The following EVC2 variants were observed in gnomAD, a reference collection of about 807,000 sequenced individuals.
EVC2 encodes limbin.
Under a neutral mutation model 149.3 loss-of-function variants are expected in EVC2, and 148 were observed. The observed-to-expected ratio is 0.99, with a 90% CI of 0.87 to 1.14. EVC2 has a LOEUF of 1.14. Ranked by LOEUF, EVC2 falls within the 50% of genes most tolerant of loss-of-function variation. EVC2 has a pLI of 0.00. For synonymous variants in EVC2, 776 were observed against 649.9 expected, an observed-to-expected ratio of 1.19 and a Z score of -2.95; for missense variants, 1,854 against 1,627.3, an observed-to-expected ratio of 1.14 and a Z score of -2.40.
intron 16 of EVC2, among the ~76,000 whole-genome samples, chr4:5,603,381 G>T (rs1714144797): frequency 1.3e-5 from 2 of 152,186 alleles, no homozygotes; most frequent in South Asian, 4.1e-4. Flanking sequence ...AATCTTTATG[G>T]ATGGATGGAT....
rs1577175562 is a variant in EVC2, at chr4:5,625,998, T to C, written c.1887-90A>G. Reference sequence around the variant, plus strand: ...TGTGCCTGAACATTCATCTCCATATTAGTTTGGTTTGAATCAGAAAATCTT... The same window carrying C: ...TGTGCCTGAACATTCATCTCCATATCAGTTTGGTTTGAATCAGAAAATCTT... On this transcript the variant is annotated intron_variant, in intron 12 of 21. Transcript: ENST00000344408. The surrounding 1 kb of genome is among the most constrained non-coding windows in gnomAD (Gnocchi z 4.0). 2.6e-6 allele frequency: 4 copies of C among 1,515,980 alleles called. No homozygotes were observed. The East Asian group carries it at 6.8e-5, about 26-fold the overall frequency. The allele number at this position is 1,515,980 out of a possible 1,614,324, so 93.9% of individuals were successfully genotyped here. A position where few individuals can be genotyped will look rare whatever the true frequency, so the allele number is the denominator to read the frequency against.
chr4:5,689,406 G>A, intron 4 of EVC2, 63 bp from the exon 5 acceptor site: 3 of 1,558,724 alleles, frequency 1.9e-6, no homozygotes, highest in Non-Finnish European at 8.8e-7. Flanking sequence ...CTAAAATGGG[G>A]CATGAGCCCA....
chr4:5,671,611 A>C (rs1719655067), intron 7 of EVC2, among the ~76,000 whole-genome samples: 1 of 152,206 alleles, frequency 6.6e-6, no homozygotes, highest in Non-Finnish European at 1.5e-5. Flanking sequence ...TCCTGGGTTC[A>C]AGCGATTCTC....
rs1560187386 is a variant in EVC2, at chr4:5,640,515, C to T, written c.1469G>A (p.Arg490Lys). The change falls in exon 10 of 22, where the codon AGG (arginine) becomes AAG (lysine). Residue 490 changes from arginine to lysine, a missense_variant and splice_region_variant. Physicochemically the swap from Arg to Lys is conservative, Grantham distance 26. Coordinates refer to ENST00000344408, the MANE Select transcript of EVC2 (RefSeq NM_147127.5). This position sits in a 1 kb window ranked among gnomAD's most constrained non-coding sequence, Gnocchi z 4.6. ...AEELLKRAGERSAVECSNLLR... is the reference protein window; with the variant it reads ...AEELLKRAGEKSAVECSNLLR... The stretch of plus-strand genomic sequence containing the variant: ...GCCTTCCTTTCAGACCTGTCTTACC[C>T]TCTCACCAGCACGTTTCAGCAACTC... The T allele has an allele frequency of 1.1e-5, 17 of 1,613,994 alleles. 1 individual carries two copies. The highest frequency in any genetic ancestry group is 1.7e-5 in the Admixed American group (1 of 60,000).
downstream of EVC2, among the ~76,000 whole-genome samples, chr4:5,539,352 A>G (rs941936005): frequency 4.0e-5 from 6 of 149,830 alleles, no homozygotes; most frequent in Admixed American, 2.7e-4. Flanking sequence ...TAAGATGTAA[A>G]TTCTCCCTAA....
chr4:5,628,968 T>C (rs1716333510), intron 11 of EVC2, among the ~76,000 whole-genome samples: 1 of 152,164 alleles, frequency 6.6e-6, no homozygotes, highest in African/African-American at 2.4e-5. Context: ...TAAAGAGTTA[T>C]CAGAACAACT....
At chr4:5,664,108 G>A (rs1185158339) in intron 8 of EVC2, among the ~76,000 whole-genome samples, 1 of 152,144 alleles carries the variant, frequency 6.6e-6, no homozygotes, top group Non-Finnish European at 1.5e-5. Context: ...ATTATTTTCA[G>A]TGCTTTCTTT....
At chr4:5,628,482 C>A (rs1211385963) in intron 12 of EVC2, 77 bp downstream of exon 12, 1 of 1,554,196 alleles carries the variant, frequency 6.4e-7, no homozygotes, top group African/African-American at 1.4e-5. Flanking sequence ...ATAAATTACC[C>A]AGTCTGTGGT....
chr4:5,679,131 T>C lies in EVC2; in HGVS notation c.870+2129A>G, dbSNP rs1720177263. Among the ~76,000 whole-genome samples, 1 of 152,076 alleles carries C rather than the reference T, an allele frequency of 6.6e-6. No individual in the cohort carries two copies. The highest frequency in any genetic ancestry group is 1.5e-5 in the Non-Finnish European group (1 of 68,024). On this transcript the variant is annotated intron_variant, in intron 7 of 21. Transcript: ENST00000344408. This position sits in a 1 kb window ranked among gnomAD's most constrained non-coding sequence, Gnocchi z 5.1. ...AACTCGAGCTTGCAGGTCTGGAAGTTGCTCTGGGCCAGTCAGTGAGTGAGT... is the reference window on the plus strand; with the variant it reads ...AACTCGAGCTTGCAGGTCTGGAAGTCGCTCTGGGCCAGTCAGTGAGTGAGT...
Position 5,574,653 on chromosome 4 carries a change from G to A in EVC2, c.3360+32C>T, listed in dbSNP as rs778275031. ...AAGATGAAGTGACGTGCTGGCAAGG[G>A]GTGGCCTCAGACCCTGCCAGTACCT... is the stretch of plus-strand genomic sequence containing the variant. On this transcript the variant is annotated intron_variant, in intron 19 of 21. Coordinates refer to ENST00000344408, the MANE Select transcript of EVC2 (RefSeq NM_147127.5). The A allele has an allele frequency of 1.9e-6, 3 of 1,592,474 alleles. No homozygotes were observed. The South Asian group carries it at 3.3e-5, about 18-fold the overall frequency.
intron 11 of EVC2, among the ~76,000 whole-genome samples, chr4:5,631,475 G>A (rs1247575456): frequency 1.3e-5 from 2 of 152,038 alleles, no homozygotes; most frequent in Non-Finnish European, 2.9e-5. Context: ...TCACACCCTC[G>A]TGGGTGTGGG....
rs71171411 is a variant in EVC2, at chr4:5,686,127, C to CACACACACACACACACACATAT, written c.707-649_707-648insATATGTGTGTGTGTGTGTGTGT. On this transcript the variant is annotated intron_variant, in intron 5 of 21. Transcript: ENST00000344408. This position sits in a 1 kb window ranked among gnomAD's most constrained non-coding sequence, Gnocchi z 5.4. ...ACACACACACACACACACACACACA[C>CACACACACACACACACACATAT]AGAGTAAAGAAAAGAGGAGGAACGC... Among the ~76,000 whole-genome samples the CACACACACACACACACACATAT allele has an allele frequency of 5.3e-5, 8 of 149,658 alleles. No individual in the cohort carries two copies. Among genetic ancestry groups the CACACACACACACACACACATAT allele is most frequent in the African/African-American group, 7.5e-5 (3 of 40,224 alleles).
chr4:5,546,481 C>T (rs559242073), intron 21 of EVC2, among the ~76,000 whole-genome samples: 71 of 151,966 alleles, frequency 4.7e-4, no homozygotes, highest in African/African-American at 1.6e-3. Context: ...AACCAAACAC[C>T]GCATGTTCTC....
chr4:5,536,713 G>A, the EVC2 span, among the ~76,000 whole-genome samples: 3 of 152,128 alleles, frequency 2.0e-5, no homozygotes, highest in South Asian at 6.2e-4. Context: ...GAACCCAGGA[G>A]GTGGAGCTTG....
At chr4:5,593,808 T>C (rs1167861215) in intron 16 of EVC2, among the ~76,000 whole-genome samples, 3 of 152,168 alleles carry the variant, frequency 2.0e-5, no homozygotes, top group Non-Finnish European at 4.4e-5. Flanking sequence ...GGGAGTTCCC[T>C]TTCCTAGTCA....
At chr4:5,593,157 T>C (rs111977633) in intron 16 of EVC2, among the ~76,000 whole-genome samples, 3,605 of 152,288 alleles carry the variant, frequency 0.024, 66 homozygotes, top group South Asian at 0.036. Context: ...ATTAAACCTC[T>C]TTCCATTATA....
At chr4:5,595,449 T>C (rs1279574806) in intron 16 of EVC2, among the ~76,000 whole-genome samples, 1 of 152,194 alleles carries the variant, frequency 6.6e-6, no homozygotes, top group African/African-American at 2.4e-5. Context: ...CAACCCAGAA[T>C]TTCATATCCC....
intron 4 of EVC2, among the ~76,000 whole-genome samples, chr4:5,689,585 A>G (rs572934810): frequency 3.3e-5 from 5 of 152,224 alleles, no homozygotes; most frequent in Non-Finnish European, 7.3e-5. Context: ...GCTGAAATGC[A>G]GTGAAATAAT....
At chr4:5,611,746 A>T (rs1383532283) in intron 16 of EVC2, among the ~76,000 whole-genome samples, 1 of 151,214 alleles carries the variant, frequency 6.6e-6, no homozygotes, top group Non-Finnish European at 1.5e-5. Context: ...ACCAAGAGAA[A>T]ATGTAAATGG....
Sources: gnomAD v4.1 joint callset for allele counts (sites outside exome capture counted in the v4.1 genomes callset) on GRCh38, gnomAD v4.1.1 for gene constraint, Gnocchi (gnomAD v3.1) non-coding constraint, MANE v1.5 for transcripts, NCBI Gene and HGNC (gene_info 2026-07-23, HGNC 2026-07-21) for gene names.